Variants in PRKACB observed in about 807,000 individuals in gnomAD.
PRKACB encodes cAMP-dependent protein kinase catalytic subunit beta.
PRKACB carries 16 observed loss-of-function variants against 51.4 expected under a neutral mutation model. The ratio of observed to expected loss-of-function variants is 0.31; its 90% CI spans 0.21 to 0.47. The LOEUF is 0.47. PRKACB is among the 20% of genes least tolerant of loss of function. The pLI is 1.00. For synonymous variants in PRKACB, 147 were observed against 154.4 expected (o/e 0.95, Z 0.35); for missense variants, 309 against 464.5 (o/e 0.67, Z 3.08).
chr1:84,160,856 G>T (rs1277469628), intron 1 of PRKACB, among the ~76,000 whole-genome samples: 3 of 151,470 alleles, frequency 2.0e-5, no homozygotes, highest in Admixed American at 6.6e-5. Flanking sequence ...GAAAGCTTTG[G>T]CAAACCCTTC....
chr1:84,081,946 G>T (rs571931339), intron 1 of PRKACB, among the ~76,000 whole-genome samples: 1 of 152,216 alleles, frequency 6.6e-6, no homozygotes, highest in South Asian at 2.1e-4. Context: ...AAAGTCAGTA[G>T]GAATTAATCA....
intron 1 of PRKACB, among the ~76,000 whole-genome samples, chr1:84,115,438 A>G (rs1282046648): frequency 6.6e-6 from 1 of 151,950 alleles, no homozygotes; most frequent in Non-Finnish European, 1.5e-5. Flanking sequence ...CTGTTGCATG[A>G]GTAGCATGCA....
chr1:84,159,327 C>G lies in PRKACB; in HGVS notation c.187+14779C>G, dbSNP rs187052548. 7.2e-5 allele frequency among the ~76,000 whole-genome samples: 11 copies of G among 152,018 alleles called. No individual in the cohort carries two copies. The East Asian group carries it at 1.9e-3, about 27-fold the overall frequency. ...TCTTTAATTTCTTTAGCGTTCCAGT[C>G]TTGTAAAAATGATTTCTAAGTGTTT... On this transcript the variant is annotated intron_variant, in intron 1 of 9. Coordinates refer to ENST00000370685, the MANE Select transcript of PRKACB (RefSeq NM_182948.4).
At chr1:84,200,788 G>A (rs539803580) in intron 7 of PRKACB, among the ~76,000 whole-genome samples, 3 of 152,156 alleles carry the variant, frequency 2.0e-5, no homozygotes, top group Admixed American at 1.3e-4. Context: ...AAGATCGGGT[G>A]GTCGTAGGTG....
chr1:84,102,803 AAGG>A (rs1181288603), intron 1 of PRKACB, among the ~76,000 whole-genome samples: 4 of 152,154 alleles, frequency 2.6e-5, no homozygotes, highest in Admixed American at 1.3e-4. Flanking sequence ...GCTAAGAGAC[AAGG>A]AGAACTACTC....
upstream of PRKACB, among the ~76,000 whole-genome samples, chr1:84,140,460 C>T (rs1653294479): frequency 6.6e-6 from 1 of 152,116 alleles, no homozygotes; most frequent in Non-Finnish European, 1.5e-5. Context: ...TACCCTAAAA[C>T]CTTTATTTGA....
At chr1:84,103,175 A>T (rs935543218) in intron 1 of PRKACB, among the ~76,000 whole-genome samples, 14 of 152,178 alleles carry the variant, frequency 9.2e-5, no homozygotes, top group African/African-American at 2.9e-4. Context: ...CAAAGTGAAG[A>T]TGGCTACAAA....
chr1:84,212,582 TC>T (rs1474495536), intron 8 of PRKACB, among the ~76,000 whole-genome samples: 1 of 152,092 alleles, frequency 6.6e-6, no homozygotes, highest in Non-Finnish European at 1.5e-5. Flanking sequence ...AGATTACTGG[TC>T]CCAACTCTGC....
At chr1:84,204,867 G>T in intron 8 of PRKACB, 1 of 982,230 alleles carries the variant, frequency 1.0e-6, no homozygotes, top group Non-Finnish European at 1.2e-6. Context: ...TTATGCATTG[G>T]CCTCGATTTG....
chr1:84,173,331 C>T (rs751258277), intron 1 of PRKACB: 17 of 1,572,930 alleles, frequency 1.1e-5, no homozygotes, highest in African/African-American at 1.3e-5. Context: ...TGATCAAGCA[C>T]GCAAATCATC....
At chr1:84,114,335 G>A (rs1192749667) in intron 1 of PRKACB, among the ~76,000 whole-genome samples, 1 of 152,150 alleles carries the variant, frequency 6.6e-6, no homozygotes, top group Non-Finnish European at 1.5e-5. Context: ...AAACATGTAT[G>A]TAAAAGTATA....
At chr1:84,201,859 A>G (rs1670203874) in intron 7 of PRKACB, among the ~76,000 whole-genome samples, 1 of 152,114 alleles carries the variant, frequency 6.6e-6, no homozygotes, top group South Asian at 2.1e-4. Flanking sequence ...TGTTAATATG[A>G]AGATGTTATT....
intron 1 of PRKACB, among the ~76,000 whole-genome samples, chr1:84,172,348 A>ATTTTACTTCCTTATTTG (rs1418810092): frequency 1.3e-5 from 2 of 151,732 alleles, no homozygotes; most frequent in Non-Finnish European, 3.0e-5. Flanking sequence ...TAAGGAAGTA[A>ATTTTACTTCCTTATTTG]AATATACTTC....
chr1:84,131,641 T>C (rs1319995803), intron 1 of PRKACB, among the ~76,000 whole-genome samples: 1 of 152,150 alleles, frequency 6.6e-6, no homozygotes, highest in Non-Finnish European at 1.5e-5. Context: ...GAACTGAGAT[T>C]GCAGGGCAAC....
At chr1:84,232,848 G>T (rs1416604609) in intron 9 of PRKACB, among the ~76,000 whole-genome samples, 1 of 152,026 alleles carries the variant, frequency 6.6e-6, no homozygotes, top group Non-Finnish European at 1.5e-5. Context: ...CATACTGATG[G>T]GTCTTGACTC....
chr1:84,149,076 G>A (rs952191558), intron 1 of PRKACB, among the ~76,000 whole-genome samples: 1 of 151,958 alleles, frequency 6.6e-6, no homozygotes, highest in Non-Finnish European at 1.5e-5. Context: ...GGTGTGAGAA[G>A]CACTTTTTCC....
intron 8 of PRKACB, among the ~76,000 whole-genome samples, chr1:84,210,593 A>G (rs1467609408): frequency 3.9e-5 from 6 of 152,166 alleles, no homozygotes; most frequent in Non-Finnish European, 5.9e-5. Context: ...CAATTAAACT[A>G]AGCTCCCTCT....
chr1:84,145,721 C>T (rs1653969343), intron 1 of PRKACB, among the ~76,000 whole-genome samples: 1 of 151,916 alleles, frequency 6.6e-6, no homozygotes, highest in Non-Finnish European at 1.5e-5. Flanking sequence ...GAATATATAT[C>T]TTCAAGTTAA....
chr1:84,163,320 G>A (rs910021713), intron 1 of PRKACB, among the ~76,000 whole-genome samples: 6 of 151,960 alleles, frequency 3.9e-5, no homozygotes, highest in East Asian at 3.9e-4. Context: ...GTGAACTTAC[G>A]TAGCCTCTGT....
Sources: gnomAD v4.1 joint callset for allele counts (sites outside exome capture counted in the v4.1 genomes callset) on GRCh38, gnomAD v4.1.1 for gene constraint, MANE v1.5 for transcripts, NCBI Gene and HGNC (gene_info 2026-07-23, HGNC 2026-07-21) for gene names.